TLCD1: variants seen among roughly 807,000 people sequenced by gnomAD.
TLCD1 encodes TLC domain-containing protein 1.
TLCD1 carries 21 observed loss-of-function variants against 21.2 expected under a neutral mutation model. The ratio of observed to expected loss-of-function variants is 0.99; its 90% confidence interval spans 0.70 to 1.42. The LOEUF is 1.42. TLCD1 is among the 40% of genes most tolerant of loss of function. TLCD1 has a pLI of 0.00. For missense variants in TLCD1, 344 were observed against 330.3 expected (o/e 1.04, Z -0.32); for synonymous variants, 168 against 134.8 (o/e 1.25, Z -1.71).
At chr17:28,726,836 C>T (rs1323810773), upstream of TLCD1, 1 of 1,545,750 alleles carries the variant, frequency 6.5e-7, no homozygotes, top group Non-Finnish European at 8.7e-7. Flanking sequence ...GGCTCTTAAA[C>T]TCCTGGGGCC....
In TLCD1 at chr17:28,726,094, G is replaced by C. The variant is rs1420706545; in HGVS notation, c.4C>G (p.Pro2Ala). M[P>A]RLLHPALPLL... ...GGCAGGGCGGGGTGCAGCAGTCGGG[G>C]CATGCTGGCCCTCCCTGCCGTCCGC... is the stretch of plus-strand genomic sequence containing the variant. The change falls in exon 1 of 4, where the codon CCC becomes GCC. Residue 2 changes from proline to alanine, a missense_variant. Pro to Ala is a conservative substitution (Grantham distance 27). Transcript: ENST00000292090. 1 of 1,451,202 alleles carries C rather than the reference G, an allele frequency of 6.9e-7. No homozygotes were observed. Among genetic ancestry groups the C allele is most frequent in the Non-Finnish European group, 9.0e-7 (1 of 1,112,368 alleles). 89.9% of individuals were successfully genotyped at this position (1,451,202 alleles called of 1,614,324 possible). A position where few individuals can be genotyped will look rare whatever the true frequency, so the allele number is the denominator to read the frequency against.
chr17:28,725,447 C>A, intron 2 of TLCD1, 34 bp downstream of exon 2: 1 of 1,614,120 alleles, frequency 6.2e-7, no homozygotes. Context: ...CTCCCTGTCC[C>A]CAATTTGCCT....
At chr17:28,725,135 T>C (rs543647005) in intron 3 of TLCD1, among the ~76,000 whole-genome samples, 169 bp downstream of exon 3, 1 of 152,270 alleles carries the variant, frequency 6.6e-6, no homozygotes, top group African/African-American at 2.4e-5. Context: ...GTTGCTGGCC[T>C]CAGTGAACAA....
upstream of TLCD1, among the ~76,000 whole-genome samples, chr17:28,726,386 CG>C (rs932138875): frequency 6.6e-6 from 1 of 150,554 alleles, no homozygotes; most frequent in Admixed American, 6.6e-5. Context: ...CGTGGCCTCT[CG>C]GCCACCGGCC....
chr17:28,724,418 CAG>C lies in TLCD1; in HGVS notation c.*90_*91del. On this transcript the variant is annotated 3_prime_UTR_variant, in exon 4 of 4. Coordinates refer to ENST00000292090, the MANE Select transcript of TLCD1 (RefSeq NM_138463.4). ...GCTCAGAAGGTGGAGAGGCTGGCCT[CAG>C]AGGACACCCAGGCTTGGGGCTAAGT... 1 of 1,501,030 alleles carries C rather than the reference CAG, an allele frequency of 6.7e-7. No individual in the cohort carries two copies. Among genetic ancestry groups the C allele is most frequent in the Middle Eastern group, 2.4e-4 (1 of 4,106 alleles). The allele number at this position is 1,501,030 out of a possible 1,614,324, so 93.0% of individuals were successfully genotyped here.
chr17:28,725,687 G>T, intron 1 of TLCD1, 124 bp from the exon 2 acceptor site: 1 of 1,221,110 alleles, frequency 8.2e-7, no homozygotes, highest in East Asian at 2.5e-5. Flanking sequence ...GAAGCTAAGA[G>T]TGGCTGGGCA....
upstream of TLCD1, chr17:28,726,778 G>C: frequency 1.9e-6 from 3 of 1,549,278 alleles, no homozygotes; most frequent in Non-Finnish European, 2.6e-6. Flanking sequence ...CGCCCGCGAG[G>C]TGGGCACTTG....
intron 1 of TLCD1, 109 bp from the exon 2 acceptor site, chr17:28,725,672 A>G (rs1320107564): frequency 1.1e-5 from 14 of 1,297,362 alleles, no homozygotes; most frequent in Non-Finnish European, 1.5e-5. Flanking sequence ...CTAGTGGCTG[A>G]CTGGGAAGCT....
At position 28,724,655 on chromosome 17, in the gene TLCD1, T is replaced by C. The variant is rs1334583274; in HGVS notation, c.599A>G (p.Gln200Arg). 1 of 1,614,036 alleles carries C rather than the reference T, an allele frequency of 6.2e-7. No homozygotes were observed. Among genetic ancestry groups the C allele is most frequent in the East Asian group, 2.2e-5 (1 of 44,900 alleles). ...CAGCAGGAAGGTGCCCAGGGTCCTC[T>C]GGTTCACATAACGCAAGAAGAAATG... ...LTHFFLRYVN[Q>R]RTLGTFLLGI... The change falls in exon 4 of 4, where the codon CAG (glutamine) becomes CGG (arginine). Residue 200 changes from glutamine (Q) to arginine (R), a missense_variant. Transcript: ENST00000292090.
At position 28,724,504 on chromosome 17, in the gene TLCD1, TG is replaced by T. The variant is rs2034175944; in HGVS notation, c.*5del. On this transcript the variant is annotated 3_prime_UTR_variant, in exon 4 of 4. Transcript: ENST00000292090. ...TCCGTTTTTGTTGTCCCAGGCTCTG[TG>T]CCCCTCACTCAGTCAAGAACTTGTC... The T allele has an allele frequency of 6.2e-7, 1 of 1,611,608 alleles. No homozygotes were observed.
At chr17:28,727,656 A>G (rs1355646872), upstream of TLCD1, 4 of 148,152 alleles carry the variant, frequency 2.7e-5, no homozygotes, top group Non-Finnish European at 4.4e-5. Flanking sequence ...GGCTCACTCT[A>G]TCGCCCAGGC....
Position 28,725,560 on chromosome 17 carries a change from T to C in TLCD1, c.198A>G (p.Val66=). The change falls in exon 2 of 4, where the codon GTA becomes GTG. Residue 66 remains valine (V), a synonymous_variant. Coordinates refer to ENST00000292090, the MANE Select transcript of TLCD1 (RefSeq NM_138463.4). Reference sequence around the variant, plus strand: ...CCACTAACATGTCAGGAGTCTGCCATACACTGGAAAGGAGGGAAGAGGAGG... The same window carrying C: ...CCACTAACATGTCAGGAGTCTGCCACACACTGGAAAGGAGGGAAGAGGAGG... ...IVSGIWALLC[V]WQTPDMLVEI... The C allele has an allele frequency of 2.5e-6, 4 of 1,613,972 alleles. No individual in the cohort carries two copies. The highest frequency in any genetic ancestry group is 3.4e-6 in the Non-Finnish European group (4 of 1,179,954).
chr17:28,726,528 C>A (rs117607518), upstream of TLCD1, among the ~76,000 whole-genome samples: 236 of 152,148 alleles, frequency 1.6e-3, no homozygotes, highest in Admixed American at 4.3e-3. Flanking sequence ...TAACCCGCGT[C>A]CCCACTTTTC....
Position 28,724,600 on chromosome 17 carries a change from G to A in TLCD1, c.654C>T (p.Ile218=). ...GGAGGAGGCGGGAAAAGTAGATTATGATCATCACGTCCAGCATGAGCAGGA... is the reference window on the plus strand; with the variant it reads ...GGAGGAGGCGGGAAAAGTAGATTATAATCATCACGTCCAGCATGAGCAGGA... ...LGILLMLDVM[I]IIYFSRLLRS... Residue 218 remains isoleucine (I), a synonymous_variant, in exon 4 of 4, where the codon ATC becomes ATT. Transcript: ENST00000292090. 6.2e-7 allele frequency: 1 copy of A among 1,614,160 alleles called. No individual in the cohort carries two copies. Among genetic ancestry groups the A allele is most frequent in the Middle Eastern group, 1.6e-4 (1 of 6,062 alleles).
rs780011556 is a variant in TLCD1 at position 28,725,921 on chromosome 17, C to A, written c.177G>T (p.Gly59=). The A allele has an allele frequency of 1.9e-6, 3 of 1,613,190 alleles. No individual in the cohort carries two copies. The highest frequency in any genetic ancestry group is 2.2e-5 in the South Asian group (2 of 91,058). ...LVSFAHSIVS[G]IWALLCVWQT... The stretch of plus-strand genomic sequence containing the variant: ...TCACTCACCACAGCAGTGCCCAGAT[C>A]CCCGACACAATGGAGTGAGCGAAGG... Residue 59 remains glycine, a synonymous_variant, in exon 1 of 4, where the codon GGG becomes GGT. Coordinates refer to ENST00000292090, the MANE Select transcript of TLCD1 (RefSeq NM_138463.4).
Position 28,726,188 on chromosome 17 carries a change from C to G in TLCD1, c.-91G>C. The stretch of plus-strand genomic sequence containing the variant: ...TCTCGGGCCAGTCCAGGCCGGCCGC[C>G]TCTCCCGCCGGCCGCCAGCCCCACA... On this transcript the variant is annotated 5_prime_UTR_variant, in exon 1 of 4. Coordinates refer to ENST00000292090, the MANE Select transcript of TLCD1 (RefSeq NM_138463.4). The G allele has an allele frequency of 1.5e-6, 2 of 1,372,946 alleles. No homozygotes were observed. The highest frequency in any genetic ancestry group is 3.3e-5 in the South Asian group (2 of 59,706). 85.0% of individuals were successfully genotyped at this position (1,372,946 alleles called of 1,614,324 possible). A position where few individuals can be genotyped will look rare whatever the true frequency, so the allele number is the denominator to read the frequency against.
Position 28,725,919 on chromosome 17 carries a change from A to G in TLCD1, c.179T>C (p.Ile60Thr). ...VSFAHSIVSGIWALLCVWQTP... is the reference protein window; with the variant it reads ...VSFAHSIVSGTWALLCVWQTP... The stretch of plus-strand genomic sequence containing the variant: ...GCTCACTCACCACAGCAGTGCCCAG[A>G]TCCCCGACACAATGGAGTGAGCGAA... Residue 60 changes from isoleucine to threonine, a missense_variant, in exon 1 of 4, where the codon ATC (isoleucine) becomes ACC (threonine). Physicochemically the swap from Ile to Thr is moderately conservative, Grantham distance 89. Transcript: ENST00000292090. 3 of 1,613,132 alleles carry G rather than the reference A, an allele frequency of 1.9e-6. No individual in the cohort carries two copies. Among genetic ancestry groups the G allele is most frequent in the Non-Finnish European group, 2.5e-6 (3 of 1,179,906 alleles).
intron 3 of TLCD1, 83 bp from the exon 4 acceptor site, chr17:28,724,976 A>G: frequency 1.3e-6 from 2 of 1,482,064 alleles, no homozygotes; most frequent in Non-Finnish European, 1.8e-6. Flanking sequence ...TATCAGATTG[A>G]GGGCTGGAAA....
chr17:28,727,065 C>G (rs2034243848), upstream of TLCD1: 1 of 563,828 alleles, frequency 1.8e-6, no homozygotes, highest in Non-Finnish European at 3.2e-6. Flanking sequence ...CAGCTGCTTT[C>G]GGGGAGAGTT....
Sources: allele counts gnomAD v4.1 joint callset (sites outside exome capture counted in the v4.1 genomes callset), GRCh38; gene constraint gnomAD v4.1.1; transcripts MANE v1.5; gene names NCBI Gene and HGNC (gene_info 2026-07-23, HGNC 2026-07-21).